FBN2: variants seen among roughly 807,000 people sequenced by gnomAD.
FBN2 encodes fibrillin-2.
In FBN2, 105 loss-of-function variants were observed where a neutral mutation model predicts 355.6. The observed-to-expected ratio is 0.30, with a 90% CI of 0.25 to 0.35. FBN2 has a LOEUF of 0.35. Ranked by LOEUF, FBN2 falls within the 10% of genes least tolerant of loss-of-function variation. The probability of loss-of-function intolerance (pLI) is 1.00; values close to 1 mark genes in which losing one functional copy is unlikely to be tolerated. For synonymous variants in FBN2, 1,350 were observed against 1,301.2 expected, an observed-to-expected ratio of 1.04 and a Z score of -0.81; for missense variants, 3,280 against 3,758.7, an observed-to-expected ratio of 0.87 and a Z score of 3.33.
At position 128,259,419 on chromosome 5, in the gene FBN2, G is replaced by GCTAGGATTTGAGCCTGGGC. The variant is rs771096216; in HGVS notation, c.*17_*35dup. ...TCAAATGCTTCTGCAGACTGGCTGT[G>GCTAGGATTTGAGCCTGGGC]CTAGGATTTGAGCCTGGGCCCAAGT... On this transcript the variant is annotated 3_prime_UTR_variant, in exon 65 of 65. Transcript: ENST00000262464. 78 of 1,611,244 alleles carry GCTAGGATTTGAGCCTGGGC rather than the reference G, an allele frequency of 4.8e-5. No individual in the cohort carries two copies. Among genetic ancestry groups the GCTAGGATTTGAGCCTGGGC allele is most frequent in the Non-Finnish European group, 6.4e-5 (76 of 1,179,118 alleles).
At position 128,537,676 on chromosome 5, in the gene FBN2, GAA is replaced by G; in HGVS notation, c.-75_-74del. On this transcript the variant is annotated 5_prime_UTR_variant, in exon 1 of 65. Coordinates refer to ENST00000262464, the MANE Select transcript of FBN2 (RefSeq NM_001999.4). Reference sequence around the variant, plus strand: ...TCAAAGACAAAATCTGCGCGCCTCAGAAAAGAGTCAGGGTCTAATAAGCCCTT... The same window carrying G: ...TCAAAGACAAAATCTGCGCGCCTCAGAAGAGTCAGGGTCTAATAAGCCCTT... 6.8e-7 allele frequency: 1 copy of G among 1,466,970 alleles called. No homozygotes were observed. The highest frequency in any genetic ancestry group is 9.4e-7 in the Non-Finnish European group (1 of 1,069,062). 90.9% of individuals were successfully genotyped at this position (1,466,970 alleles called of 1,614,324 possible).
chr5:128,392,268 CAT>C (rs1752537023), intron 10 of FBN2, 113 bp from the exon 11 acceptor site: 1 of 873,360 alleles, frequency 1.1e-6, no homozygotes, highest in South Asian at 1.6e-5. Flanking sequence ...ATCAGAAGCT[CAT>C]ATTTTATATT....
intron 41 of FBN2, among the ~76,000 whole-genome samples, chr5:128,307,772 T>C (rs989794653): frequency 6.6e-6 from 1 of 151,798 alleles, no homozygotes; most frequent in Non-Finnish European, 1.5e-5. Flanking sequence ...TTCTTACACA[T>C]AATTAACCAA....
intron 4 of FBN2, among the ~76,000 whole-genome samples, chr5:128,527,671 C>T (rs1367461103): frequency 1.3e-5 from 2 of 152,028 alleles, no homozygotes; most frequent in Admixed American, 6.6e-5. Flanking sequence ...TATTCAAGAA[C>T]ATCACTGCTC....
chr5:128,316,478 C>T (rs10478811), intron 36 of FBN2, among the ~76,000 whole-genome samples: 12,125 of 152,102 alleles, frequency 0.08, 628 homozygotes, highest in Non-Finnish European at 0.12. Context: ...AATGAGTGAA[C>T]GCAATAAAGT....
chr5:128,500,408 A>G (rs1288283879), intron 5 of FBN2, among the ~76,000 whole-genome samples: 12 of 148,730 alleles, frequency 8.1e-5, no homozygotes, highest in African/African-American at 2.8e-4. Flanking sequence ...TAGGGAATGA[A>G]AATGATGAGA....
chr5:128,431,480 G>A (rs756890700), intron 7 of FBN2, among the ~76,000 whole-genome samples: 9 of 152,024 alleles, frequency 5.9e-5, no homozygotes, highest in Non-Finnish European at 1.2e-4. Flanking sequence ...ATGTACTGTC[G>A]CCATAACTTT....
chr5:128,328,964 G>A (rs1750624402), intron 33 of FBN2, 143 bp from the exon 34 acceptor site: 2 of 833,720 alleles, frequency 2.4e-6, no homozygotes, highest in African/African-American at 3.4e-5. Context: ...TCACTTAAAG[G>A]AGGGTATCAA....
At chr5:128,331,213 G>A (rs1445692798) in intron 32 of FBN2, among the ~76,000 whole-genome samples, 1 of 152,174 alleles carries the variant, frequency 6.6e-6, no homozygotes, top group Non-Finnish European at 1.5e-5. Context: ...GTTACAAGGT[G>A]CCATGAGAGA....
intron 6 of FBN2, among the ~76,000 whole-genome samples, chr5:128,458,341 C>T (rs1754460768): frequency 6.6e-6 from 1 of 151,964 alleles, no homozygotes; most frequent in Admixed American, 6.6e-5. Flanking sequence ...GAGACTTAGA[C>T]TTCCACACAA....
Position 128,276,048 on chromosome 5 carries a change from C to A in FBN2, c.7584G>T (p.Lys2528Asn), listed in dbSNP as rs1239146046. ...PRGYVLQEDG[K>N]TCKDLDECQT... is the part of the protein sequence containing the mutation. ...AGACTCTTCACTCACCTTTGCATGTCTTTCCATCCTCTTGCAGGACATACC... is the reference window on the plus strand; with the variant it reads ...AGACTCTTCACTCACCTTTGCATGTATTTCCATCCTCTTGCAGGACATACC... The change falls in exon 59 of 65, where the codon AAG (lysine) becomes AAT (asparagine). Residue 2528 changes from lysine to asparagine, a missense_variant. Coordinates refer to ENST00000262464, the MANE Select transcript of FBN2 (RefSeq NM_001999.4). The A allele has an allele frequency of 6.2e-7, 1 of 1,613,838 alleles. No individual in the cohort carries two copies. Among genetic ancestry groups the A allele is most frequent in the Non-Finnish European group, 8.5e-7 (1 of 1,179,764 alleles).
chr5:128,303,553 G>A (rs1749777590), intron 45 of FBN2, among the ~76,000 whole-genome samples: 1 of 152,140 alleles, frequency 6.6e-6, no homozygotes, highest in Non-Finnish European at 1.5e-5. Context: ...AATCCAAATT[G>A]AGGTTTATTA....
intron 58 of FBN2, 61 bp from the exon 59 acceptor site, chr5:128,276,221 TCCTTCCATA>T: frequency 1.3e-6 from 2 of 1,532,340 alleles, no homozygotes; most frequent in Non-Finnish European, 1.8e-6. Context: ...GACTCTTTCC[TCCTTCCATA>T]TTCTCACTTC....
chr5:128,280,104 C>G (rs2126810780), intron 56 of FBN2, 88 bp downstream of exon 56: 2 of 1,094,396 alleles, frequency 1.8e-6, no homozygotes, highest in East Asian at 2.4e-5. Flanking sequence ...GTTTAGCAGA[C>G]AAGAATATAT....
rs56296450 is a variant in FBN2 at position 128,318,317 on chromosome 5, C to A, written c.4595-46G>T. On this transcript the variant is annotated intron_variant, in intron 35 of 64. Coordinates refer to ENST00000262464, the MANE Select transcript of FBN2 (RefSeq NM_001999.4). ...GCCCAGGTTACCATTTTTACTTTTT[C>A]TGTGCATACTGCTGTTCCAAAGAAT... The A allele has an allele frequency of 4.4e-6, 7 of 1,605,642 alleles. No homozygotes were observed. In the East Asian group the frequency reaches 1.6e-4, roughly 36 times the overall value.
chr5:128,441,738 G>A (rs1753926801), intron 7 of FBN2, among the ~76,000 whole-genome samples: 1 of 152,156 alleles, frequency 6.6e-6, no homozygotes, highest in African/African-American at 2.4e-5. Context: ...CAGAAAGCAG[G>A]TTTGAGTGTA....
Position 128,335,687 on chromosome 5 carries a change from G to A in FBN2, c.3725-110C>T. ...GGCTTTGAATTTTTCTCCCCACTATGTGTGTTGATTGAACATTATCTTTCT... is the reference window on the plus strand; with the variant it reads ...GGCTTTGAATTTTTCTCCCCACTATATGTGTTGATTGAACATTATCTTTCT... On this transcript the variant is annotated intron_variant, in intron 28 of 64. Coordinates refer to ENST00000262464, the MANE Select transcript of FBN2 (RefSeq NM_001999.4). 3.9e-6 allele frequency: 5 copies of A among 1,287,836 alleles called. No homozygotes were observed. In the South Asian group the frequency reaches 6.0e-5, roughly 15 times the overall value. The allele number at this position is 1,287,836 out of a possible 1,614,324, so 79.8% of individuals were successfully genotyped here.
At chr5:128,455,990 CAAAAAAAAAAA>C (rs70997371) in intron 6 of FBN2, among the ~76,000 whole-genome samples, 165 of 25,272 alleles carry the variant, frequency 6.5e-3, no homozygotes, top group African/African-American at 0.014. Flanking sequence ...GGGTTAGCAA[CAAAAAAAAAAA>C]AAAAAAAAAA....
intron 8 of FBN2, among the ~76,000 whole-genome samples, chr5:128,402,806 G>A (rs942018275): frequency 3.3e-5 from 5 of 152,168 alleles, no homozygotes; most frequent in Non-Finnish European, 7.3e-5. Flanking sequence ...GTTCCAGCCT[G>A]GGCTCCCCTT....
Sources: allele counts gnomAD v4.1 joint callset (sites outside exome capture counted in the v4.1 genomes callset), GRCh38; gene constraint gnomAD v4.1.1; transcripts MANE v1.5; gene names NCBI Gene and HGNC (gene_info 2026-07-23, HGNC 2026-07-21).